Variants in CYTH3 observed in about 807,000 individuals in gnomAD.
CYTH3 encodes the protein cytohesin-3.
CYTH3 carries 23 observed loss-of-function variants against 55.1 expected under a neutral mutation model. The ratio of observed to expected loss-of-function variants is 0.42; its 90% CI spans 0.30 to 0.59. The LOEUF is 0.59. Ranked by LOEUF, CYTH3 falls within the 20% of genes least tolerant of loss-of-function variation. CYTH3 has a pLI of 0.20. For synonymous variants in CYTH3, 249 were observed against 194.9 expected, an observed-to-expected ratio of 1.28 and a Z score of -2.31; for missense variants, 413 against 524.8, an observed-to-expected ratio of 0.79 and a Z score of 2.08.
Position 6,187,087 on chromosome 7 carries a change from G to A in CYTH3, c.212C>T (p.Ala71Val). 1.2e-6 allele frequency: 2 copies of A among 1,614,112 alleles called. No homozygotes were observed. Among genetic ancestry groups the A allele is most frequent in the South Asian group, 1.1e-5 (1 of 91,072 alleles). Residue 71 changes from alanine to valine, a missense_variant, in exon 4 of 13, where the codon GCC (alanine) becomes GTC (valine). Ala to Val is a moderately conservative substitution (Grantham distance 64). Coordinates refer to ENST00000350796, the MANE Select transcript of CYTH3 (RefSeq NM_004227.4). ...CATGTTGAATTTCTTTCTTCCCATG[G>A]CTATCTGTTTGTTCCTCTGAGTCGT... is the stretch of plus-strand genomic sequence containing the variant. ...SKTTQRNKQI[A>V]MGRKKFNMDP...
At chr7:6,259,771 ATTATATATATATAATATATATAT>A (rs1780256784) in intron 1 of CYTH3, among the ~76,000 whole-genome samples, 2 of 22,348 alleles carry the variant, frequency 8.9e-5, no homozygotes, top group South Asian at 3.1e-3. Context: ...ATATATATAT[ATTATATATATATAATATATATAT>A]ATATATATAT....
intron 1 of CYTH3, among the ~76,000 whole-genome samples, chr7:6,269,999 C>G (rs1363776588): frequency 2.6e-5 from 4 of 152,192 alleles, no homozygotes; most frequent in Admixed American, 1.3e-4. Flanking sequence ...GTACTACACT[C>G]TAAAAATATA....
rs887701278 is a variant in CYTH3 at position 6,244,955 on chromosome 7, A to ATTTTTTTTTTTTTTTTT, written c.34+27502_34+27518dup. On this transcript the variant is annotated intron_variant, in intron 1 of 12. Coordinates refer to ENST00000350796, the MANE Select transcript of CYTH3 (RefSeq NM_004227.4). Reference sequence around the variant, plus strand: ...AGTCACCCGCCACCACGCCCGGCTAATTTTTTTTTTTTTTTTTTTTTTTTT... The same window carrying ATTTTTTTTTTTTTTTTT: ...AGTCACCCGCCACCACGCCCGGCTAATTTTTTTTTTTTTTTTTTTTTTTTTTTTTTTTTTTTTTTTTT... 3.6e-4 allele frequency among the ~76,000 whole-genome samples: 13 copies of ATTTTTTTTTTTTTTTTT among 36,450 alleles called. 1 individual carries two copies. Among genetic ancestry groups the ATTTTTTTTTTTTTTTTT allele is most frequent in the African/African-American group, 5.8e-4 (5 of 8,646 alleles). 23.9% of individuals were successfully genotyped at this position (36,450 alleles called of 152,430 possible).
Position 6,171,195 on chromosome 7 carries a change from C to G in CYTH3, c.562+7G>C, listed in dbSNP as rs1396986982. On this transcript the variant is annotated splice_region_variant and intron_variant, in intron 7 of 12. Transcript: ENST00000350796. This position sits in a 1 kb window ranked among gnomAD's most constrained non-coding sequence, Gnocchi z 6.7. ...GCAAGGGGCCAGGCTGTGGGCTCTG[C>G]ACTGACCTGTGGACTGGAAGACCCC... is the stretch of plus-strand genomic sequence containing the variant. 1.2e-6 allele frequency: 2 copies of G among 1,614,056 alleles called. No homozygotes were observed. The highest frequency in any genetic ancestry group is 1.7e-6 in the Non-Finnish European group (2 of 1,179,922).
At chr7:6,175,606 A>G (rs1247732934) in intron 5 of CYTH3, among the ~76,000 whole-genome samples, 1 of 139,208 alleles carries the variant, frequency 7.2e-6, no homozygotes, top group Non-Finnish European at 1.5e-5. Context: ...GGAGTCCAAT[A>G]ACATGATTTT....
intron 1 of CYTH3, 101 bp downstream of exon 1, chr7:6,272,371 CGT>C: frequency 8.9e-7 from 1 of 1,120,968 alleles, no homozygotes; most frequent in Non-Finnish European, 1.1e-6. Context: ...CCCCCGACCC[CGT>C]CTCCTCCGGC....
At chr7:6,261,890 A>C (rs1780362449) in intron 1 of CYTH3, among the ~76,000 whole-genome samples, 1 of 152,152 alleles carries the variant, frequency 6.6e-6, no homozygotes. Context: ...GATAAAACAG[A>C]CAACAGAACA....
chr7:6,272,411 A>T, intron 1 of CYTH3, 63 bp downstream of exon 1: 1,715 of 432,478 alleles, frequency 4.0e-3, no homozygotes, highest in Non-Finnish European at 6.4e-3. Context: ...CGCGCCCTCG[A>T]CCCCCAGCCC....
chr7:6,168,973 C>T (rs575758601), intron 9 of CYTH3, among the ~76,000 whole-genome samples: 41 of 152,328 alleles, frequency 2.7e-4, no homozygotes, highest in Admixed American at 7.8e-4. Flanking sequence ...TCCCCCCCAC[C>T]GGCCCTCACT....
chr7:6,245,753 A>AAGT (rs1779797077), intron 1 of CYTH3, among the ~76,000 whole-genome samples: 1 of 152,162 alleles, frequency 6.6e-6, no homozygotes, highest in Admixed American at 6.5e-5. Context: ...AAAAGTACAA[A>AAGT]AGTAGCCAGC....
intron 1 of CYTH3, among the ~76,000 whole-genome samples, chr7:6,244,201 C>T (rs1010604611): frequency 3.9e-5 from 6 of 152,042 alleles, no homozygotes; most frequent in African/African-American, 1.5e-4. Flanking sequence ...AAGAATGTTA[C>T]CAAAGCAACA....
intron 1 of CYTH3, among the ~76,000 whole-genome samples, chr7:6,238,666 C>T (rs1219310071): frequency 3.3e-5 from 5 of 152,128 alleles, no homozygotes; most frequent in Non-Finnish European, 7.3e-5. Flanking sequence ...GTACCATAAC[C>T]AAAAGTGAAT....
At chr7:6,249,776 C>T (rs1472963082) in intron 1 of CYTH3, among the ~76,000 whole-genome samples, 1 of 152,176 alleles carries the variant, frequency 6.6e-6, no homozygotes, top group East Asian at 1.9e-4. Flanking sequence ...GTGTACATCT[C>T]GATGTCTTGA....
chr7:6,263,681 C>T (rs1446649596), intron 1 of CYTH3, among the ~76,000 whole-genome samples: 1 of 151,882 alleles, frequency 6.6e-6, no homozygotes, highest in African/African-American at 2.4e-5. Context: ...GCCTGTAATC[C>T]CAGCCACTCA....
intron 1 of CYTH3, among the ~76,000 whole-genome samples, chr7:6,219,158 CAAAG>C (rs76961008): frequency 0.054 from 8,265 of 152,132 alleles, 522 homozygotes; most frequent in East Asian, 0.29. Flanking sequence ...TGGTAGGACT[CAAAG>C]AAATGAGCCA....
intron 1 of CYTH3, among the ~76,000 whole-genome samples, chr7:6,255,021 TAA>T (rs767238569): frequency 6.6e-6 from 1 of 152,246 alleles, no homozygotes; most frequent in Non-Finnish European, 1.5e-5. Context: ...ACTCAGTATG[TAA>T]AGACAGGCAG....
At chr7:6,243,140 T>C (rs1779716588) in intron 1 of CYTH3, among the ~76,000 whole-genome samples, 1 of 152,196 alleles carries the variant, frequency 6.6e-6, no homozygotes, top group African/African-American at 2.4e-5. Context: ...CCAGCAACTC[T>C]CTGCCCTAAG....
chr7:6,174,772 C>T lies in CYTH3; in HGVS notation c.369-1039G>A, dbSNP rs1050820175. 5.9e-5 allele frequency among the ~76,000 whole-genome samples: 9 copies of T among 152,136 alleles called. No homozygotes were observed. In the East Asian group the frequency reaches 1.6e-3, roughly 26 times the overall value. ...CCGTGTTAGCCAGGATGGTCTAGAT[C>T]TCCTAACCTCGTGATCCACCCACCT... is the stretch of plus-strand genomic sequence containing the variant. On this transcript the variant is annotated intron_variant, in intron 5 of 12. Coordinates refer to ENST00000350796, the MANE Select transcript of CYTH3 (RefSeq NM_004227.4).
At chr7:6,242,985 G>A (rs78252164) in intron 1 of CYTH3, among the ~76,000 whole-genome samples, 6 of 152,266 alleles carry the variant, frequency 3.9e-5, no homozygotes, top group Non-Finnish European at 8.8e-5. Flanking sequence ...AGCTTGCCAT[G>A]GGTGTCCTGG....
Sources: allele counts gnomAD v4.1 joint callset (sites outside exome capture counted in the v4.1 genomes callset), GRCh38; gene constraint gnomAD v4.1.1; non-coding constraint Gnocchi (gnomAD v3.1); transcripts MANE v1.5; gene names NCBI Gene and HGNC (gene_info 2026-07-23, HGNC 2026-07-21).